The following COPZ2 variants were observed in gnomAD, a reference collection of about 807,000 sequenced individuals.
COPZ2 encodes coat protein complex I subunit zeta 2.
In COPZ2, 30 loss-of-function variants were observed where a neutral mutation model predicts 33.2. That is an observed-to-expected ratio of 0.90 (90% CI 0.68 to 1.23). The LOEUF is 1.23. Ranked by LOEUF, COPZ2 falls within the 50% of genes most tolerant of loss-of-function variation. The pLI, the probability that COPZ2 is intolerant of heterozygous loss-of-function variation, is 0.00. For missense variants in COPZ2, 263 were observed against 262.4 expected (o/e 1.00, Z -0.02); for synonymous variants, 89 against 102.6 (o/e 0.87, Z 0.80).
At position 48,033,030 on chromosome 17, in the gene COPZ2, G is replaced by A. The variant is rs1348821052; in HGVS notation, c.360+181C>T. The stretch of plus-strand genomic sequence containing the variant: ...ATTCCTGGTTCCCAAGGAAACTAAG[G>A]GGCATCGAAGATACACATTGTCCCA... On this transcript the variant is annotated intron_variant, in intron 4 of 8. Transcript: ENST00000621465. 4 of 601,492 alleles carry A rather than the reference G, an allele frequency of 6.7e-6. No individual in the cohort carries two copies. The African/African-American group carries it at 7.4e-5, about 11-fold the overall frequency. 37.3% of individuals were successfully genotyped at this position (601,492 alleles called of 1,614,324 possible).
In COPZ2 at chr17:48,033,951, G is replaced by A. The variant is rs553054701; in HGVS notation, c.187-7C>T. ...GGAATGTGTCATCATAATACTATGA[G>A]AAAGGGAAGGAGAAAGGACCATAGC... On this transcript the variant is annotated splice_polypyrimidine_tract_variant and splice_region_variant and intron_variant, in intron 2 of 8. Coordinates refer to ENST00000621465, the MANE Select transcript of COPZ2 (RefSeq NM_016429.4). The A allele has an allele frequency of 1.3e-4, 212 of 1,589,970 alleles. No individual in the cohort carries two copies. Among genetic ancestry groups the A allele is most frequent in the Non-Finnish European group, 1.7e-4 (203 of 1,162,128 alleles).
chr17:48,036,838 G>C lies in COPZ2; in HGVS notation c.186+13C>G. 1 of 1,612,628 alleles carries C rather than the reference G, an allele frequency of 6.2e-7. No homozygotes were observed. Among genetic ancestry groups the C allele is most frequent in the Non-Finnish European group, 8.5e-7 (1 of 1,178,852 alleles). On this transcript the variant is annotated intron_variant, in intron 2 of 8. Transcript: ENST00000621465. ...TGGGAACTGTGTCCCTCATGGGTGG[G>C]GTCAGAGGTTACCTTGGCCAGCAGC... is the stretch of plus-strand genomic sequence containing the variant.
Position 48,037,657 on chromosome 17 carries a change from C to T in COPZ2, c.111+10G>A. ...GCCGCCCGGGATCCCCGCGCCCGCC[C>T]GCTCCGTACCCGCAGCCCCGAGGGC... On this transcript the variant is annotated intron_variant, in intron 1 of 8. Coordinates refer to ENST00000621465, the MANE Select transcript of COPZ2 (RefSeq NM_016429.4). This position sits in a 1 kb window ranked among gnomAD's most constrained non-coding sequence, Gnocchi z 5.6. The T allele has an allele frequency of 9.2e-7, 1 of 1,090,814 alleles. No homozygotes were observed. The highest frequency in any genetic ancestry group is 1.1e-6 in the Non-Finnish European group (1 of 898,640). 67.6% of individuals were successfully genotyped at this position (1,090,814 alleles called of 1,614,324 possible).
rs2037000980 is a variant in COPZ2 at position 48,037,237 on chromosome 17, C to T, written c.112-312G>A. On this transcript the variant is annotated intron_variant, in intron 1 of 8. Coordinates refer to ENST00000621465, the MANE Select transcript of COPZ2 (RefSeq NM_016429.4). This position sits in a 1 kb window ranked among gnomAD's most constrained non-coding sequence, Gnocchi z 5.6. The stretch of plus-strand genomic sequence containing the variant: ...TCGGAGTGTATCACAGAACCTGGGC[C>T]GGGGGGGACAGCGGGCCGAGCCTCC... 1 of 601,094 alleles carries T rather than the reference C, an allele frequency of 1.7e-6. No homozygotes were observed. The highest frequency in any genetic ancestry group is 2.3e-5 in the Admixed American group (1 of 43,990). 37.2% of individuals were successfully genotyped at this position (601,094 alleles called of 1,614,324 possible).
At position 48,037,666 on chromosome 17, in the gene COPZ2, C is replaced by T; in HGVS notation, c.111+1G>A. ...GATCCCCGCGCCCGCCCGCTCCGTA[C>T]CCGCAGCCCCGAGGGCTCCCCGGCT... On this transcript the variant is annotated splice_donor_variant, in intron 1 of 8. Coordinates refer to ENST00000621465, the MANE Select transcript of COPZ2 (RefSeq NM_016429.4). LOFTEE classifies it high-confidence loss of function. This position sits in a 1 kb window ranked among gnomAD's most constrained non-coding sequence, Gnocchi z 5.6. 9.1e-7 allele frequency: 1 copy of T among 1,103,372 alleles called. No individual in the cohort carries two copies. The highest frequency in any genetic ancestry group is 4.1e-5 in the South Asian group (1 of 24,354). The allele number at this position is 1,103,372 out of a possible 1,614,324, so 68.3% of individuals were successfully genotyped here. A position where few individuals can be genotyped will look rare whatever the true frequency, so the allele number is the denominator to read the frequency against.
In COPZ2 at chr17:48,026,377, C is replaced by T. The variant is rs1186662372; in HGVS notation, c.*51G>A. The T allele has an allele frequency of 4.7e-6, 7 of 1,477,744 alleles. No individual in the cohort carries two copies. Among genetic ancestry groups the T allele is most frequent in the Middle Eastern group, 1.7e-4 (1 of 5,798 alleles). The allele number at this position is 1,477,744 out of a possible 1,614,324, so 91.5% of individuals were successfully genotyped here. ...TGACCCTGGGATCTTTGGGCTTTTG[C>T]CAGGATTGGGGAAATGATCTGGGGG... On this transcript the variant is annotated 3_prime_UTR_variant, in exon 9 of 9. Transcript: ENST00000621465.
intron 6 of COPZ2, among the ~76,000 whole-genome samples, chr17:48,030,267 A>C (rs974175963): frequency 6.6e-5 from 10 of 150,518 alleles, no homozygotes; most frequent in African/African-American, 2.4e-4. Flanking sequence ...AGCCTGGGCG[A>C]CAGAGTGAGA....
chr17:48,032,878 A>G (rs937618354), intron 4 of COPZ2, 137 bp from the exon 5 acceptor site: 66 of 684,984 alleles, frequency 9.6e-5, no homozygotes, highest in Admixed American at 2.3e-4. Context: ...GCGGTGTGAC[A>G]TTAGAGGGAA....
At position 48,032,268 on chromosome 17, in the gene COPZ2, G is replaced by A. The variant is rs754801524; in HGVS notation, c.417-35C>T. On this transcript the variant is annotated intron_variant, in intron 5 of 8. Transcript: ENST00000621465. ...GACACAAGCTCCTGAGCCTCCCTGT[G>A]GCTGGGAGGAACTGAGTCCCTGCCT... The A allele has an allele frequency of 5.1e-6, 8 of 1,583,934 alleles. No homozygotes were observed. In the South Asian group the frequency reaches 9.1e-5, roughly 18 times the overall value.
chr17:48,035,392 A>G (rs1304693292), intron 2 of COPZ2, among the ~76,000 whole-genome samples: 1 of 152,138 alleles, frequency 6.6e-6, no homozygotes, highest in Non-Finnish European at 1.5e-5. Context: ...TTCCAAATAA[A>G]CAAACAGAAA....
At chr17:48,030,426 C>T (rs2036879308) in intron 6 of COPZ2, among the ~76,000 whole-genome samples, 1 of 152,140 alleles carries the variant, frequency 6.6e-6, no homozygotes, top group African/African-American at 2.4e-5. Flanking sequence ...GGGTTATGTA[C>T]AGGGTACATG....
chr17:48,029,669 CTTT>C (rs56033361), intron 6 of COPZ2, among the ~76,000 whole-genome samples: 13,854 of 147,360 alleles, frequency 0.094, 751 homozygotes, highest in East Asian at 0.2. Context: ...TACTTCCTCC[CTTT>C]TTTTTTTTTT....
chr17:48,036,002 G>A (rs1046085265), intron 2 of COPZ2, among the ~76,000 whole-genome samples: 1 of 152,048 alleles, frequency 6.6e-6, no homozygotes, highest in Non-Finnish European at 1.5e-5. Context: ...TGATCTGCCC[G>A]CCTTGGCCTC....
In COPZ2 at chr17:48,032,761, G is replaced by C. The variant is rs1186518011; in HGVS notation, c.361-20C>G. 3 of 1,579,390 alleles carry C rather than the reference G, an allele frequency of 1.9e-6. No homozygotes were observed. In the African/African-American group the frequency reaches 4.0e-5, roughly 21 times the overall value. On this transcript the variant is annotated intron_variant, in intron 4 of 8. Coordinates refer to ENST00000621465, the MANE Select transcript of COPZ2 (RefSeq NM_016429.4). ...CATCAGCTGGGATGGGCAGATACGG[G>C]AGGAGGAAAAGGAGAGTTTGAGATT...
At chr17:48,036,756 G>C in intron 2 of COPZ2, 95 bp downstream of exon 2, 1 of 1,209,424 alleles carries the variant, frequency 8.3e-7, no homozygotes, top group Admixed American at 1.9e-5. Flanking sequence ...AAGCTGAGCT[G>C]CCCTGAGTCA....
the COPZ2 span, among the ~76,000 whole-genome samples, chr17:48,044,057 G>A: frequency 6.6e-6 from 1 of 152,160 alleles, no homozygotes; most frequent in African/African-American, 2.4e-5. Flanking sequence ...CACCCTAAAA[G>A]TCAAACGGGC....
chr17:48,043,602 T>C, the COPZ2 span: 1 of 980,272 alleles, frequency 1.0e-6, no homozygotes, highest in Non-Finnish European at 1.2e-6. Flanking sequence ...CTCTCATTTC[T>C]TCATCGCCTT....
chr17:48,035,599 GT>G, intron 2 of COPZ2, among the ~76,000 whole-genome samples: 1 of 151,878 alleles, frequency 6.6e-6, no homozygotes, highest in Admixed American at 6.6e-5. Flanking sequence ...GTTTTGTTTT[GT>G]TTTTTGTAGA....
intron 2 of COPZ2, among the ~76,000 whole-genome samples, chr17:48,035,640 T>C (rs57519584): frequency 0.028 from 4,275 of 152,132 alleles, 214 homozygotes; most frequent in African/African-American, 0.098. Context: ...CCCAGGCTGG[T>C]CTGGCACTCC....
Sources: gnomAD v4.1 joint callset for allele counts (sites outside exome capture counted in the v4.1 genomes callset) on GRCh38, gnomAD v4.1.1 for gene constraint, Gnocchi (gnomAD v3.1) non-coding constraint, MANE v1.5 for transcripts, NCBI Gene and HGNC (gene_info 2026-07-23, HGNC 2026-07-21) for gene names.